EXD3: variants seen among roughly 807,000 people sequenced by gnomAD.
The protein encoded by EXD3 is exonuclease mut-7 homolog.
In EXD3, 92 loss-of-function variants were observed where a neutral mutation model predicts 98.0. That is an observed-to-expected ratio of 0.94 (90% CI 0.79 to 1.12). The LOEUF (loss-of-function observed/expected upper bound fraction) is 1.12. EXD3 is among the 50% of genes most tolerant of loss of function. EXD3 has a pLI of 0.00. For synonymous variants in EXD3, 569 were observed against 526.0 expected (o/e 1.08, Z -1.12); for missense variants, 1,222 against 1,191.6 (o/e 1.03, Z -0.38).
At chr9:137,354,173 A>C (rs927795842) in intron 10 of EXD3, 166 bp downstream of exon 10, 1 of 1,432,758 alleles carries the variant, frequency 7.0e-7, no homozygotes, top group East Asian at 2.5e-5. Flanking sequence ...GGGCCTGAGG[A>C]CCCTACACCC....
At chr9:137,394,511 TCCCAGCCTCCGCTTCCCTAAC>T (rs1837107084) in intron 2 of EXD3, among the ~76,000 whole-genome samples, 1 of 139,176 alleles carries the variant, frequency 7.2e-6, no homozygotes, top group Non-Finnish European at 1.5e-5. Flanking sequence ...AACCCCGGCC[TCCCAGCCTCCGCTTCCCTAAC>T]CCCGGCCTCC....
At chr9:137,314,511 G>A (rs1450100024) in intron 19 of EXD3, among the ~76,000 whole-genome samples, 2 of 152,102 alleles carry the variant, frequency 1.3e-5, no homozygotes, top group Non-Finnish European at 2.9e-5. Flanking sequence ...GTAGCCACCC[G>A]CTCAGTGACC....
intron 17 of EXD3, among the ~76,000 whole-genome samples, chr9:137,337,153 A>G (rs921655837): frequency 6.6e-6 from 1 of 152,224 alleles, no homozygotes; most frequent in Non-Finnish European, 1.5e-5. Context: ...GGAGTCAAAG[A>G]GGTTCACCAC....
Position 137,348,190 on chromosome 9 carries a change from C to A in EXD3, c.1879G>T (p.Ala627Ser). Residue 627 changes from alanine (A) to serine (S), a missense_variant, in exon 17 of 22, where the codon GCC becomes TCC. Physicochemically the swap from Ala to Ser is moderately conservative, Grantham distance 99. Coordinates refer to ENST00000340951, the MANE Select transcript of EXD3 (RefSeq NM_017820.5). ...VSEGAAPQIPARAFRVVCDNM... is the reference protein window; with the variant it reads ...VSEGAAPQIPSRAFRVVCDNM... Reference sequence around the variant, plus strand: ...TCACACACCACACGGAAGGCCCTGGCCGGAATCTGAGGGGCAGCGCCCTCA... The same window carrying A: ...TCACACACCACACGGAAGGCCCTGGACGGAATCTGAGGGGCAGCGCCCTCA... 1 of 1,612,072 alleles carries A rather than the reference C, an allele frequency of 6.2e-7. No homozygotes were observed. Among genetic ancestry groups the A allele is most frequent in the Non-Finnish European group, 8.5e-7 (1 of 1,179,674 alleles).
At chr9:137,386,326 A>G (rs1836588551) in intron 2 of EXD3, among the ~76,000 whole-genome samples, 2 of 151,926 alleles carry the variant, frequency 1.3e-5, no homozygotes, top group Non-Finnish European at 2.9e-5. Flanking sequence ...GGGTGTCCTT[A>G]TTATTCTTTT....
At chr9:137,354,027 C>T (rs559166243) in intron 10 of EXD3, 91 of 1,179,636 alleles carry the variant, frequency 7.7e-5, no homozygotes, top group Non-Finnish European at 7.0e-5. Context: ...TTGCACCTCT[C>T]TGGTGACTCT....
rs554198117 is a variant in EXD3, at chr9:137,375,047, C to T, written c.121-1448G>A. Among the ~76,000 whole-genome samples, 66 of 151,254 alleles carry T rather than the reference C, an allele frequency of 4.4e-4. 1 individual carries two copies. The highest frequency in any genetic ancestry group is 1.1e-3 in the African/African-American group (46 of 41,020). On this transcript the variant is annotated intron_variant, in intron 3 of 21. Coordinates refer to ENST00000340951, the MANE Select transcript of EXD3 (RefSeq NM_017820.5). ...TTTTTGAGACGGAGTCTCGCTCTGT[C>T]GCCCAGGCTGGAGTGCAGTGGCGCG... is the stretch of plus-strand genomic sequence containing the variant.
In EXD3 at chr9:137,395,338, G is replaced by A. The variant is rs949854994; in HGVS notation, c.20C>T (p.Ala7Val). Reference protein sequence around the residue: MDPGDPAGDPAAGERHR... With the variant: MDPGDPVGDPAAGERHR... ...GCGCTCGCCAGCGGCAGGGTCACCA[G>A]CGGGATCTCCTGGGTCCATCCTCAG... is the stretch of plus-strand genomic sequence containing the variant. The change falls in exon 2 of 22, where the codon GCT (alanine) becomes GTT (valine). Residue 7 changes from alanine to valine, a missense_variant. Physicochemically the swap from Ala to Val is moderately conservative, Grantham distance 64. Transcript: ENST00000340951. This position sits in a 1 kb window ranked among gnomAD's most constrained non-coding sequence, Gnocchi z 6.5. 6.2e-7 allele frequency: 1 copy of A among 1,613,330 alleles called. No individual in the cohort carries two copies. Among genetic ancestry groups the A allele is most frequent in the Non-Finnish European group, 8.5e-7 (1 of 1,179,814 alleles).
chr9:137,328,803 T>C (rs1176198481), intron 17 of EXD3, among the ~76,000 whole-genome samples: 2 of 36,970 alleles, frequency 5.4e-5, no homozygotes, highest in African/African-American at 3.2e-4. Flanking sequence ...TACACGGGGC[T>C]ACACGGGACT....
intron 19 of EXD3, among the ~76,000 whole-genome samples, chr9:137,314,784 G>A (rs1479358148): frequency 6.6e-6 from 1 of 152,186 alleles, no homozygotes; most frequent in African/African-American, 2.4e-5. Flanking sequence ...GGACAACTGG[G>A]CCCACAGCCC....
In EXD3 at chr9:137,405,069, G is replaced by A. The variant is rs1007292106; in HGVS notation, c.-47-9665C>T. ...CACGTGCTGTCTCACAGGTGAGCCA[G>A]GGGCTGGGAGGGGACACAGTGCTTT... On this transcript the variant is annotated intron_variant, in intron 1 of 21. Coordinates refer to ENST00000340951, the MANE Select transcript of EXD3 (RefSeq NM_017820.5). This position sits in a 1 kb window ranked among gnomAD's most constrained non-coding sequence, Gnocchi z 4.1. Among the ~76,000 whole-genome samples, 1 of 152,124 alleles carries A rather than the reference G, an allele frequency of 6.6e-6. No individual in the cohort carries two copies.
At chr9:137,355,527 TGGAGGAA>T (rs1834641557) in intron 8 of EXD3, among the ~76,000 whole-genome samples, 8 of 15,822 alleles carry the variant, frequency 5.1e-4, no homozygotes, top group African/African-American at 1.1e-3. Context: ...GGAAGGAGGA[TGGAGGAA>T]GGAGGAAGGA....
intron 19 of EXD3, among the ~76,000 whole-genome samples, chr9:137,316,956 C>A (rs1387624553): frequency 6.6e-6 from 1 of 152,166 alleles, no homozygotes; most frequent in Non-Finnish European, 1.5e-5. Flanking sequence ...AGTTGGGGAG[C>A]TGGGCAGGGA....
rs994556635 is a variant in EXD3 at position 137,405,892 on chromosome 9, C to G, written c.-47-10488G>C. Among the ~76,000 whole-genome samples the G allele has an allele frequency of 6.6e-6, 1 of 152,338 alleles. No individual in the cohort carries two copies. The highest frequency in any genetic ancestry group is 2.1e-4 in the South Asian group (1 of 4,826). The stretch of plus-strand genomic sequence containing the variant: ...AGACACCTTGCCCGTGCCCCAATGC[C>G]AGGCAGAGGCCTCTGTGCTCTGAAG... On this transcript the variant is annotated intron_variant, in intron 1 of 21. Coordinates refer to ENST00000340951, the MANE Select transcript of EXD3 (RefSeq NM_017820.5). This position sits in a 1 kb window ranked among gnomAD's most constrained non-coding sequence, Gnocchi z 4.1.
chr9:137,309,129 T>G (rs1404771775), intron 20 of EXD3, among the ~76,000 whole-genome samples: 1 of 152,142 alleles, frequency 6.6e-6, no homozygotes, highest in Non-Finnish European at 1.5e-5. Flanking sequence ...GATCTAAAAC[T>G]GCAAAGTCCT....
chr9:137,336,055 C>G (rs1021852905), intron 17 of EXD3, among the ~76,000 whole-genome samples: 2 of 152,168 alleles, frequency 1.3e-5, no homozygotes, highest in African/African-American at 4.8e-5. Context: ...CCAAATACTG[C>G]ATGTTCTCAC....
In EXD3 at chr9:137,407,275, T is replaced by C. The variant is rs1837767219; in HGVS notation, c.-47-11871A>G. ...TCTCCGTTTCCCACCAGGCCAGCGCTGCAGGCAGAGCCCAGCCCGGCGGCC... is the reference window on the plus strand; with the variant it reads ...TCTCCGTTTCCCACCAGGCCAGCGCCGCAGGCAGAGCCCAGCCCGGCGGCC... On this transcript the variant is annotated intron_variant, in intron 1 of 21. Transcript: ENST00000340951. The surrounding 1 kb of genome is among the most constrained non-coding windows in gnomAD (Gnocchi z 4.4). 6.6e-6 allele frequency among the ~76,000 whole-genome samples: 1 copy of C among 152,184 alleles called. No homozygotes were observed.
chr9:137,395,342 G>A lies in EXD3; in HGVS notation c.16C>T (p.Pro6Ser). Residue 6 changes from proline (P) to serine (S), a missense_variant, in exon 2 of 22, where the codon CCC (proline) becomes TCC (serine). By Grantham distance (74) the Pro-to-Ser change is moderately conservative. Transcript: ENST00000340951. The surrounding 1 kb of genome is among the most constrained non-coding windows in gnomAD (Gnocchi z 6.5). ...TCGCCAGCGGCAGGGTCACCAGCGG[G>A]ATCTCCTGGGTCCATCCTCAGGGCC... MDPGDPAGDPAAGERH... is the reference protein window; with the variant it reads MDPGDSAGDPAAGERH... 1.2e-6 allele frequency: 2 copies of A among 1,613,338 alleles called. No homozygotes were observed. The highest frequency in any genetic ancestry group is 1.7e-6 in the Non-Finnish European group (2 of 1,179,802).
chr9:137,394,145 A>G (rs1394772477), intron 2 of EXD3, among the ~76,000 whole-genome samples: 244 of 118,450 alleles, frequency 2.1e-3, no homozygotes, highest in Middle Eastern at 5.2e-3. Flanking sequence ...CCCAGCCTCC[A>G]TTTCCCTAAC....
Sources: gnomAD v4.1 joint callset for allele counts (sites outside exome capture counted in the v4.1 genomes callset) on GRCh38, gnomAD v4.1.1 for gene constraint, Gnocchi (gnomAD v3.1) non-coding constraint, MANE v1.5 for transcripts, NCBI Gene and HGNC (gene_info 2026-07-23, HGNC 2026-07-21) for gene names.